The following TMEM163 variants were observed in gnomAD, a reference collection of about 807,000 sequenced individuals.
TMEM163 encodes the protein transmembrane protein 163.
TMEM163 carries 17 observed loss-of-function variants against 29.3 expected under a neutral mutation model. That is an observed-to-expected ratio of 0.58 (90% CI 0.40 to 0.87). The LOEUF (loss-of-function observed/expected upper bound fraction) is 0.87. TMEM163 is among the 40% of genes least tolerant of loss of function. The probability of loss-of-function intolerance (pLI) is 0.00; values close to 1 mark genes in which losing one functional copy is unlikely to be tolerated. For missense variants in TMEM163, 303 were observed against 381.5 expected (o/e 0.79, Z 1.71); for synonymous variants, 157 against 160.6 (o/e 0.98, Z 0.17).
chr2:134,562,787 C>T (rs1681210709), intron 2 of TMEM163, among the ~76,000 whole-genome samples: 1 of 152,076 alleles, frequency 6.6e-6, no homozygotes, highest in South Asian at 2.1e-4. Flanking sequence ...CCACCCTGCT[C>T]CATAAAACCC....
At chr2:134,699,064 TATCAAA>T (rs1684639772) in intron 2 of TMEM163, among the ~76,000 whole-genome samples, 1 of 152,184 alleles carries the variant, frequency 6.6e-6, no homozygotes, top group Non-Finnish European at 1.5e-5. Flanking sequence ...GGATAGAAAT[TATCAAA>T]GTGAAATTTT....
At chr2:134,550,022 G>C (rs571999541) in intron 4 of TMEM163, among the ~76,000 whole-genome samples, 22 of 152,044 alleles carry the variant, frequency 1.4e-4, no homozygotes, top group Non-Finnish European at 2.9e-4. Flanking sequence ...ATTACCCTGG[G>C]GTTTACAAAT....
Position 134,559,269 on chromosome 2 carries a change from G to A in TMEM163, c.323-7178C>T, listed in dbSNP as rs115226177. ...GCCCCTGTGGCATCTAGTTGGCCCC[G>A]TAAGGCTTGAGTATTGGACCTCACA... On this transcript the variant is annotated intron_variant, in intron 2 of 7. Coordinates refer to ENST00000281924, the MANE Select transcript of TMEM163 (RefSeq NM_030923.5). Among the ~76,000 whole-genome samples, 583 of 152,170 alleles carry A rather than the reference G, an allele frequency of 3.8e-3. 5 individuals are homozygous for A. The highest frequency in any genetic ancestry group is 0.013 in the African/African-American group (554 of 41,500).
At chr2:134,547,848 A>T (rs1224671442) in intron 4 of TMEM163, among the ~76,000 whole-genome samples, 1 of 152,230 alleles carries the variant, frequency 6.6e-6, no homozygotes, top group African/African-American at 2.4e-5. Context: ...TTGGGGGATT[A>T]TTAAAAACAG....
At chr2:134,616,594 T>C (rs1041168441) in intron 2 of TMEM163, among the ~76,000 whole-genome samples, 2 of 152,252 alleles carry the variant, frequency 1.3e-5, no homozygotes, top group African/African-American at 4.8e-5. Flanking sequence ...GGAGCTCATG[T>C]TGAGAAATAA....
chr2:134,657,956 TGC>T (rs1375858005), intron 2 of TMEM163, among the ~76,000 whole-genome samples: 2 of 152,052 alleles, frequency 1.3e-5, no homozygotes, highest in Non-Finnish European at 2.9e-5. Flanking sequence ...CTCAGCAACA[TGC>T]AACTTACCCA....
At chr2:134,585,482 G>A (rs1389548095) in intron 2 of TMEM163, among the ~76,000 whole-genome samples, 4 of 152,138 alleles carry the variant, frequency 2.6e-5, no homozygotes, top group Non-Finnish European at 4.4e-5. Flanking sequence ...GGTGGCTCAC[G>A]CCTGTAATCC....
chr2:134,590,453 C>G (rs1681912882), intron 2 of TMEM163, among the ~76,000 whole-genome samples: 1 of 152,142 alleles, frequency 6.6e-6, no homozygotes, highest in Non-Finnish European at 1.5e-5. Context: ...TCAAAGTTAA[C>G]CTTTGGGTCA....
At chr2:134,629,524 A>C (rs987639563) in intron 2 of TMEM163, among the ~76,000 whole-genome samples, 1 of 152,016 alleles carries the variant, frequency 6.6e-6, no homozygotes, top group Non-Finnish European at 1.5e-5. Flanking sequence ...AGGGGGGACT[A>C]TTTCTGGTTT....
chr2:134,493,239 G>GAT (rs929450583), intron 5 of TMEM163, among the ~76,000 whole-genome samples: 72 of 150,630 alleles, frequency 4.8e-4, no homozygotes, highest in East Asian at 3.7e-3. Flanking sequence ...ACCTTTGTCT[G>GAT]ATATATATAT....
At chr2:134,552,197 A>G in intron 2 of TMEM163, 106 bp from the exon 3 acceptor site, 1 of 834,502 alleles carries the variant, frequency 1.2e-6, no homozygotes, top group African/African-American at 1.8e-5. Flanking sequence ...AAGTTCCAAG[A>G]GAACAAAACC....
At chr2:134,523,263 T>G (rs1318022652) in intron 4 of TMEM163, among the ~76,000 whole-genome samples, 2 of 152,134 alleles carry the variant, frequency 1.3e-5, no homozygotes, top group South Asian at 4.2e-4. Flanking sequence ...GGAGCGTCTG[T>G]GTGCTATTAC....
intron 2 of TMEM163, among the ~76,000 whole-genome samples, chr2:134,697,706 C>T (rs1164970301): frequency 6.6e-6 from 1 of 152,078 alleles, no homozygotes; most frequent in Non-Finnish European, 1.5e-5. Flanking sequence ...CTTTTATGAA[C>T]ATGGTAAATT....
At chr2:134,560,170 A>G (rs779356027) in intron 2 of TMEM163, among the ~76,000 whole-genome samples, 4 of 152,048 alleles carry the variant, frequency 2.6e-5, no homozygotes, top group African/African-American at 4.8e-5. Flanking sequence ...CTCGTTCCCA[A>G]TCTGAGCTCT....
intron 2 of TMEM163, among the ~76,000 whole-genome samples, chr2:134,563,812 T>C (rs1258458344): frequency 6.6e-6 from 1 of 152,122 alleles, no homozygotes; most frequent in Non-Finnish European, 1.5e-5. Context: ...CCCAGCACTT[T>C]GGGAGGCCAA....
chr2:134,456,712 C>G lies in TMEM163; in HGVS notation c.*4G>C, dbSNP rs769250989. 1.2e-6 allele frequency: 2 copies of G among 1,613,892 alleles called. No individual in the cohort carries two copies. Among genetic ancestry groups the G allele is most frequent in the African/African-American group, 2.7e-5 (2 of 74,896 alleles). ...CGATGGTCTCATGCGGATGCTGGCC[C>G]CCTTCACTCAAACATCTCGTAGTGA... On this transcript the variant is annotated 3_prime_UTR_variant, in exon 8 of 8. Transcript: ENST00000281924.
chr2:134,474,810 T>C (rs1686879568), intron 5 of TMEM163, among the ~76,000 whole-genome samples: 1 of 152,168 alleles, frequency 6.6e-6, no homozygotes, highest in Non-Finnish European at 1.5e-5. Flanking sequence ...ATGTAAGACC[T>C]GTGCACTGAA....
At chr2:134,625,555 G>T (rs186959570) in intron 2 of TMEM163, among the ~76,000 whole-genome samples, 59 of 152,340 alleles carry the variant, frequency 3.9e-4, no homozygotes, top group African/African-American at 1.3e-3. Context: ...CAGGAGGCTG[G>T]AAGCAGAGAT....
At chr2:134,480,695 A>G (rs1240541994) in intron 5 of TMEM163, among the ~76,000 whole-genome samples, 4 of 152,180 alleles carry the variant, frequency 2.6e-5, no homozygotes. Flanking sequence ...GAGCCGTGGG[A>G]GACAGTGACC....
Sources: allele counts gnomAD v4.1 joint callset (sites outside exome capture counted in the v4.1 genomes callset), GRCh38; gene constraint gnomAD v4.1.1; transcripts MANE v1.5; gene names NCBI Gene and HGNC (gene_info 2026-07-23, HGNC 2026-07-21).